Variants in GPM6B observed in about 807,000 individuals in gnomAD.
The protein encoded by GPM6B is neuronal membrane glycoprotein M6-b.
In GPM6B, 4 loss-of-function variants were observed where a neutral mutation model predicts 27.2. The ratio of observed to expected loss-of-function variants is 0.15; its 90% CI spans 0.07 to 0.34. The LOEUF is 0.34. Among genes scored for constraint, GPM6B ranks in the 10% least tolerant of loss-of-function variants. GPM6B has a pLI of 1.00. For missense variants in GPM6B, 183 were observed against 261.9 expected (o/e 0.70, Z 2.08); for synonymous variants, 124 against 103.1 (o/e 1.20, Z -1.23).
chrX:13,877,824 CAAAAAAAAAAAAAAAAAA>C (rs761891419), intron 1 of GPM6B, among the ~76,000 whole-genome samples: 2 of 27,466 alleles, frequency 7.3e-5, no homozygotes, highest in Non-Finnish European at 1.1e-4. Context: ...CAGACTCTGC[CAAAAAAAAAAAAAAAAAA>C]AAAAAAAAAT....
chrX:13,867,566 C>T (rs1335192755), intron 1 of GPM6B, among the ~76,000 whole-genome samples: 1 of 111,981 alleles, frequency 8.9e-6, no homozygotes, highest in East Asian at 2.8e-4. Flanking sequence ...GGGGGTGGCA[C>T]TTTCCCTATT....
At chrX:13,928,136 T>G (rs111921286) in intron 1 of GPM6B, among the ~76,000 whole-genome samples, 1,252 of 112,218 alleles carry the variant, frequency 0.011, 21 homozygotes, top group African/African-American at 0.039. Flanking sequence ...ATTATTCCAT[T>G]TATATAAAGT....
At chrX:13,779,765 T>C (rs1437819996) in intron 5 of GPM6B, 53 bp downstream of exon 5, 2 of 1,000,550 alleles carry the variant, frequency 2.0e-6, no homozygotes, top group African/African-American at 1.9e-5. Flanking sequence ...TCCAGACATA[T>C]GCACGAGAGG....
chrX:13,866,772 T>C (rs2049924813), intron 1 of GPM6B, among the ~76,000 whole-genome samples: 1 of 112,038 alleles, frequency 8.9e-6, no homozygotes, highest in Non-Finnish European at 1.9e-5. Context: ...TCTAAATGAA[T>C]TTTAGCATTA....
intron 1 of GPM6B, among the ~76,000 whole-genome samples, chrX:13,880,493 G>A (rs1411767981): frequency 1.8e-5 from 2 of 108,979 alleles, no homozygotes; most frequent in African/African-American, 3.4e-5. Flanking sequence ...TGGCTAACAT[G>A]GTGAAACCCC....
chrX:13,930,531 G>A (rs1021446263), intron 1 of GPM6B, among the ~76,000 whole-genome samples: 11 of 111,150 alleles, frequency 9.9e-5, no homozygotes, highest in African/African-American at 3.3e-4. Flanking sequence ...GAAGAATGGC[G>A]TGAGCCCGGG....
intron 1 of GPM6B, among the ~76,000 whole-genome samples, chrX:13,919,244 A>G (rs773824247): frequency 8.9e-6 from 1 of 112,219 alleles, no homozygotes; most frequent in South Asian, 3.7e-4. Context: ...AGATAATACT[A>G]TAATAAACAG....
At chrX:13,837,416 C>A (rs1259095215) in intron 1 of GPM6B, among the ~76,000 whole-genome samples, 1 of 111,452 alleles carries the variant, frequency 9.0e-6, no homozygotes, top group East Asian at 2.8e-4. Context: ...TGTGGCAGTG[C>A]CTGGGGGAAG....
chrX:13,866,966 G>T (rs139596157), intron 1 of GPM6B, among the ~76,000 whole-genome samples: 35 of 112,097 alleles, frequency 3.1e-4, no homozygotes, highest in African/African-American at 1.1e-3. Context: ...GAGTCTAGAA[G>T]AGACAATTGA....
chrX:13,887,190 T>G (rs1257385696), intron 1 of GPM6B, among the ~76,000 whole-genome samples: 1 of 112,466 alleles, frequency 8.9e-6, no homozygotes, highest in Non-Finnish European at 1.9e-5. Context: ...AAATGCTTTG[T>G]GTTTTCCCTG....
At chrX:13,880,047 C>T (rs1321947176) in intron 1 of GPM6B, among the ~76,000 whole-genome samples, 1 of 112,501 alleles carries the variant, frequency 8.9e-6, no homozygotes, top group East Asian at 2.8e-4. Context: ...TTTTCAGCTT[C>T]TGTGAGGGAT....
chrX:13,776,355 C>T (rs761496122), intron 6 of GPM6B, 52 bp from the exon 7 acceptor site: 2 of 987,964 alleles, frequency 2.0e-6, no homozygotes, highest in South Asian at 2.2e-5. Context: ...ATGAAATGGC[C>T]TACACTCATT....
intron 1 of GPM6B, among the ~76,000 whole-genome samples, chrX:13,822,601 C>A (rs1265465005): frequency 9.2e-6 from 1 of 108,275 alleles, no homozygotes; most frequent in Non-Finnish European, 1.9e-5. Context: ...TTCTCAAACT[C>A]CTGACCTCAG....
chrX:13,822,561 G>C (rs1373144947), intron 1 of GPM6B, among the ~76,000 whole-genome samples: 3 of 105,483 alleles, frequency 2.8e-5, no homozygotes, highest in Non-Finnish European at 5.8e-5. Context: ...ATTTTTAGTA[G>C]AGGTGGGGTT....
rs777038389 is a variant in GPM6B at position 13,773,125 on chromosome X, G to A, written c.838-95C>T. ...TAGACAGACTTGACTTTAAAGGGGC[G>A]AAGGTTAATTCTGTATTAATAAATA... On this transcript the variant is annotated intron_variant, in intron 7 of 7. Coordinates refer to ENST00000316715, the MANE Select transcript of GPM6B (RefSeq NM_001001995.3). The A allele has an allele frequency of 1.2e-4, 91 of 743,384 alleles. No homozygotes were observed. The Middle Eastern group carries it at 2.3e-3, about 19-fold the overall frequency. 61.3% of individuals were successfully genotyped at this position (743,384 alleles called of 1,213,427 possible). A position where few individuals can be genotyped will look rare whatever the true frequency, so the allele number is the denominator to read the frequency against.
At position 13,929,432 on chromosome X, in the gene GPM6B, T is replaced by TAA. The variant is rs34898418; in HGVS notation, c.-198+8893_-198+8894dup. ...TTCTCTGATGATGTAAGAAAAAGAT[T>TAA]AAAAAAAAAAAAACTTCCTTCAACT... On this transcript the variant is annotated intron_variant, in intron 1 of 6. Coordinates refer to the GPM6B transcript ENST00000398361. 2.4e-3 allele frequency among the ~76,000 whole-genome samples: 243 copies of TAA among 100,710 alleles called. 1 individual carries two copies. Among genetic ancestry groups the TAA allele is most frequent in the African/African-American group, 5.3e-3 (145 of 27,547 alleles). The allele number at this position is 100,710 out of a possible 115,157, so 87.5% of individuals were successfully genotyped here.
intron 2 of GPM6B, among the ~76,000 whole-genome samples, chrX:13,805,212 T>C (rs1441166969): frequency 8.9e-6 from 1 of 112,458 alleles, no homozygotes; most frequent in East Asian, 2.8e-4. Flanking sequence ...CATGGAATTC[T>C]CGCTTGCAGT....
chrX:13,873,327 A>AGAGT (rs2050000186), intron 1 of GPM6B, among the ~76,000 whole-genome samples: 1 of 110,715 alleles, frequency 9.0e-6, no homozygotes. Context: ...AGAGCGACAG[A>AGAGT]GAGTGGCCTT....
chrX:13,887,628 G>A (rs971053550), intron 1 of GPM6B, among the ~76,000 whole-genome samples: 2 of 111,807 alleles, frequency 1.8e-5, no homozygotes, highest in Non-Finnish European at 3.8e-5. Flanking sequence ...GGGACAGGAG[G>A]AAACATACAA....
Sources: allele counts gnomAD v4.1 joint callset (sites outside exome capture counted in the v4.1 genomes callset), GRCh38; gene constraint gnomAD v4.1.1; transcripts MANE v1.5; gene names NCBI Gene and HGNC (gene_info 2026-07-23, HGNC 2026-07-21).